The following DNM1 variants were observed in gnomAD, a reference collection of about 807,000 sequenced individuals.
The protein encoded by DNM1 is dynamin 1.
Under a neutral mutation model 104.6 loss-of-function variants are expected in DNM1, and 29 were observed. That is an observed-to-expected ratio of 0.28 (90% CI 0.21 to 0.38). The LOEUF (loss-of-function observed/expected upper bound fraction) is 0.38, where lower values mean the gene tolerates loss of function less well. Ranked by LOEUF, DNM1 falls within the 10% of genes least tolerant of loss-of-function variation. The pLI, the probability that DNM1 is intolerant of heterozygous loss-of-function variation, is 1.00. For missense variants in DNM1, 640 were observed against 1,189.4 expected (o/e 0.54, Z 6.79); for synonymous variants, 445 against 475.8 (o/e 0.94, Z 0.84).
In DNM1 at chr9:128,220,880, A is replaced by C. The variant is rs1247242231; in HGVS notation, c.849+539A>C. 5.7e-4 allele frequency among the ~76,000 whole-genome samples: 50 copies of C among 87,970 alleles called. No homozygotes were observed. Among genetic ancestry groups the C allele is most frequent in the Non-Finnish European group, 1.2e-3 (45 of 38,632 alleles). The allele number at this position is 87,970 out of a possible 152,430, so 57.7% of individuals were successfully genotyped here. A position where few individuals can be genotyped will look rare whatever the true frequency, so the allele number is the denominator to read the frequency against. ...CTGAGCCTCTATTTCTTTTTTCTTT[A>C]TTTGTTTTCTTTCTTTCTTTCTTTC... On this transcript the variant is annotated intron_variant, in intron 6 of 21. Transcript: ENST00000372923. The surrounding 1 kb of genome is among the most constrained non-coding windows in gnomAD (Gnocchi z 5.2).
Position 128,220,791 on chromosome 9 carries a change from A to G in DNM1, c.849+450A>G, listed in dbSNP as rs979398034. 4.8e-5 allele frequency among the ~76,000 whole-genome samples: 7 copies of G among 146,676 alleles called. No homozygotes were observed. Among genetic ancestry groups the G allele is most frequent in the Non-Finnish European group, 1.1e-4 (7 of 66,362 alleles). The stretch of plus-strand genomic sequence containing the variant: ...TGTCTGTCTGACTGTCTGTCTGTGT[A>G]GGCAAGACCTGGTTTCCAATCCCAG... On this transcript the variant is annotated intron_variant, in intron 6 of 21. Coordinates refer to ENST00000372923, the MANE Select transcript of DNM1 (RefSeq NM_004408.4). The surrounding 1 kb of genome is among the most constrained non-coding windows in gnomAD (Gnocchi z 5.2).
In DNM1 at chr9:128,245,318, C is replaced by A. The variant is rs1836720174; in HGVS notation, c.1672-1076C>A. Among the ~76,000 whole-genome samples the A allele has an allele frequency of 6.6e-6, 1 of 152,064 alleles. No homozygotes were observed. Among genetic ancestry groups the A allele is most frequent in the Admixed American group, 6.5e-5 (1 of 15,278 alleles). On this transcript the variant is annotated intron_variant, in intron 15 of 21. Coordinates refer to ENST00000372923, the MANE Select transcript of DNM1 (RefSeq NM_004408.4). This position sits in a 1 kb window ranked among gnomAD's most constrained non-coding sequence, Gnocchi z 5.2. ...ACGCCAGGACGGGGGAGCAAGGTCC[C>A]CCTAAACCCAGCCCCCCACCTGAGA...
chr9:128,225,001 C>A lies in DNM1; in HGVS notation c.1335+612C>A, dbSNP rs539427547. On this transcript the variant is annotated intron_variant, in intron 10 of 21. Coordinates refer to ENST00000372923, the MANE Select transcript of DNM1 (RefSeq NM_004408.4). Reference sequence around the variant, plus strand: ...GGCTTTCCAGGGATAGAGCCCTTCTCCCATCTGCCCCACCATCCAAGCCTC... The same window carrying A: ...GGCTTTCCAGGGATAGAGCCCTTCTACCATCTGCCCCACCATCCAAGCCTC... Among the ~76,000 whole-genome samples, 28 of 152,276 alleles carry A rather than the reference C, an allele frequency of 1.8e-4. 1 individual carries two copies. Among genetic ancestry groups the A allele is most frequent in the Admixed American group, 1.4e-3 (22 of 15,290 alleles).
At chr9:128,228,087 G>C (rs1018352793) in intron 10 of DNM1, among the ~76,000 whole-genome samples, 13 of 151,956 alleles carry the variant, frequency 8.6e-5, no homozygotes, top group Admixed American at 7.9e-4. Context: ...TGTTGCCCAG[G>C]CTGGAGTGCA....
Position 128,248,782 on chromosome 9 carries a change from A to G in DNM1, c.2076+29A>G. 1 of 1,600,654 alleles carries G rather than the reference A, an allele frequency of 6.2e-7. No individual in the cohort carries two copies. Among genetic ancestry groups the G allele is most frequent in the African/African-American group, 1.3e-5 (1 of 74,878 alleles). ...CGTGCTCCACTGCATGGGGGCAGGG[A>G]AATCCTGTGGCACTGGGGATGCAGG... On this transcript the variant is annotated intron_variant, in intron 19 of 21. Transcript: ENST00000372923. This position sits in a 1 kb window ranked among gnomAD's most constrained non-coding sequence, Gnocchi z 5.6.
In DNM1 at chr9:128,220,424, G is replaced by A; in HGVS notation, c.849+83G>A. The stretch of plus-strand genomic sequence containing the variant: ...AAGTGTGTTCTGAGAGTGAACAGCA[G>A]AGGTTAGCCTCTCCGTAGTGCAGAT... On this transcript the variant is annotated intron_variant, in intron 6 of 21. Transcript: ENST00000372923. This position sits in a 1 kb window ranked among gnomAD's most constrained non-coding sequence, Gnocchi z 5.2. 6.5e-7 allele frequency: 1 copy of A among 1,540,722 alleles called. No individual in the cohort carries two copies. Among genetic ancestry groups the A allele is most frequent in the East Asian group, 2.3e-5 (1 of 43,944 alleles).
At chr9:128,216,334 G>A (rs1205593135) in intron 1 of DNM1, among the ~76,000 whole-genome samples, 1 of 152,206 alleles carries the variant, frequency 6.6e-6, no homozygotes, top group East Asian at 1.9e-4. Context: ...ACTCTGCTGT[G>A]TGACCTTGGG....
Position 128,219,645 on chromosome 9 carries a change from G to GGCAA in DNM1, c.590-341_590-338dup, listed in dbSNP as rs1482454676. ...ACTCGCACCACTGCAGTCCAGCATGGGCAAGAGTGAGACCCTGTCTCAAAA... is the reference window on the plus strand; with the variant it reads ...ACTCGCACCACTGCAGTCCAGCATGGGCAAGCAAGAGTGAGACCCTGTCTCAAAA... On this transcript the variant is annotated intron_variant, in intron 4 of 21. Coordinates refer to ENST00000372923, the MANE Select transcript of DNM1 (RefSeq NM_004408.4). Among the ~76,000 whole-genome samples, 29 of 150,168 alleles carry GGCAA rather than the reference G, an allele frequency of 1.9e-4. No individual in the cohort carries two copies. The East Asian group carries it at 4.2e-3, about 22-fold the overall frequency.
chr9:128,231,102 C>T (rs1050394354), intron 10 of DNM1, among the ~76,000 whole-genome samples: 9 of 151,250 alleles, frequency 6.0e-5, no homozygotes, highest in South Asian at 2.1e-4. Flanking sequence ...CATGCCCTGC[C>T]GTCTGTGTGA....
intron 20 of DNM1, 35 bp downstream of exon 20, chr9:128,250,391 CCA>C (rs778018453): frequency 1.3e-6 from 2 of 1,533,878 alleles, no homozygotes; most frequent in Non-Finnish European, 1.8e-6. Flanking sequence ...CCAAAGCCCC[CCA>C]GCCCGGGGCC....
chr9:128,211,187 C>A (rs1157756757), intron 1 of DNM1, among the ~76,000 whole-genome samples: 1 of 150,464 alleles, frequency 6.6e-6, no homozygotes, highest in Non-Finnish European at 1.5e-5. Context: ...GAGGTAGTTT[C>A]CTCCCTTGCC....
rs1834953838 is a variant in DNM1 at position 128,220,921 on chromosome 9, CTTTCTTTCTTTCT to C, written c.849+588_849+600del. ...TCTTTCTTTCTTTCTTTCTTTCTTT[CTTTCTTTCTTTCT>C]TTTCTTTTCTTTCTTTCTTTCCTTT... On this transcript the variant is annotated intron_variant, in intron 6 of 21. Transcript: ENST00000372923. The surrounding 1 kb of genome is among the most constrained non-coding windows in gnomAD (Gnocchi z 5.2). 7.0e-6 allele frequency among the ~76,000 whole-genome samples: 1 copy of C among 143,786 alleles called. No individual in the cohort carries two copies. Among genetic ancestry groups the C allele is most frequent in the Admixed American group, 7.0e-5 (1 of 14,274 alleles). 94.3% of individuals were successfully genotyped at this position (143,786 alleles called of 152,430 possible).
chr9:128,222,008 A>G lies in DNM1; in HGVS notation c.850-189A>G, dbSNP rs1474211035. Reference sequence around the variant, plus strand: ...CTTTATTGAAAATTATGCACTCATTAATTCAACTAATACATCTCTGCAAGC... The same window carrying G: ...CTTTATTGAAAATTATGCACTCATTGATTCAACTAATACATCTCTGCAAGC... On this transcript the variant is annotated intron_variant, in intron 6 of 21. Transcript: ENST00000372923. This position sits in a 1 kb window ranked among gnomAD's most constrained non-coding sequence, Gnocchi z 7.8. Among the ~76,000 whole-genome samples, 1 of 152,226 alleles carries G rather than the reference A, an allele frequency of 6.6e-6. No homozygotes were observed. Among genetic ancestry groups the G allele is most frequent in the Non-Finnish European group, 1.5e-5 (1 of 68,042 alleles).
At position 128,203,938 on chromosome 9, in the gene DNM1, G is replaced by GC; in HGVS notation, c.161+312dup. On this transcript the variant is annotated intron_variant, in intron 1 of 21. Transcript: ENST00000372923. The surrounding 1 kb of genome is among the most constrained non-coding windows in gnomAD (Gnocchi z 5.3). ...AGCCCCGGGCAAAGAGCTGCCCCCC[G>GC]CCCCCAACATGGGCATGGAGAGAGC... 1 of 191,288 alleles carries GC rather than the reference G, an allele frequency of 5.2e-6. No individual in the cohort carries two copies. The highest frequency in any genetic ancestry group is 1.3e-4 in the East Asian group (1 of 7,588). 11.8% of individuals were successfully genotyped at this position (191,288 alleles called of 1,614,324 possible).
chr9:128,249,653 T>A, intron 19 of DNM1, among the ~76,000 whole-genome samples: 1 of 135,218 alleles, frequency 7.4e-6, no homozygotes. Flanking sequence ...TGAAACTCCG[T>A]CTCAAAAAAA....
intron 10 of DNM1, among the ~76,000 whole-genome samples, chr9:128,228,591 A>G (rs1422038554): frequency 6.6e-6 from 1 of 152,254 alleles, no homozygotes; most frequent in South Asian, 2.1e-4. Flanking sequence ...CTAGTAATCA[A>G]TCTTCTAGGA....
At chr9:128,211,625 G>A (rs1292272678) in intron 1 of DNM1, among the ~76,000 whole-genome samples, 1 of 151,914 alleles carries the variant, frequency 6.6e-6, no homozygotes. Flanking sequence ...TCCCACCTCA[G>A]CCTCCCAAAG....
Position 128,248,575 on chromosome 9 carries a change from C to T in DNM1, c.1906-8C>T, listed in dbSNP as rs1274846417. On this transcript the variant is annotated splice_polypyrimidine_tract_variant and splice_region_variant and intron_variant, in intron 18 of 21. Transcript: ENST00000372923. The surrounding 1 kb of genome is among the most constrained non-coding windows in gnomAD (Gnocchi z 5.6). ...GGCCACCTGATGCCCTTGTGTTCTC[C>T]ATGGCAGGCCAGCGAGACCGAGGAG... 3 of 1,612,482 alleles carry T rather than the reference C, an allele frequency of 1.9e-6. No individual in the cohort carries two copies. The highest frequency in any genetic ancestry group is 2.5e-6 in the Non-Finnish European group (3 of 1,178,732).
chr9:128,246,010 G>A (rs576081395), intron 15 of DNM1, among the ~76,000 whole-genome samples: 1 of 152,344 alleles, frequency 6.6e-6, no homozygotes, highest in Non-Finnish European at 1.5e-5. Flanking sequence ...CCCCCTTCCT[G>A]GTCTCTGCAG....
Sources: allele counts gnomAD v4.1 joint callset (sites outside exome capture counted in the v4.1 genomes callset), GRCh38; gene constraint gnomAD v4.1.1; non-coding constraint Gnocchi (gnomAD v3.1); transcripts MANE v1.5; gene names NCBI Gene and HGNC (gene_info 2026-07-23, HGNC 2026-07-21).